The following CCDC158 variants were observed in gnomAD, a reference collection of about 807,000 sequenced individuals.
CCDC158 encodes the protein coiled-coil domain-containing protein 158.
CCDC158 carries 116 observed loss-of-function variants against 138.6 expected under a neutral mutation model. That is an observed-to-expected ratio of 0.84 (90% CI 0.72 to 0.98). The LOEUF (loss-of-function observed/expected upper bound fraction) is 0.98, where lower values mean the gene tolerates loss of function less well. Among genes scored for constraint, CCDC158 ranks in the 50% least tolerant of loss-of-function variants. CCDC158 has a pLI of 0.00. For missense variants in CCDC158, 1,265 were observed against 1,306.1 expected (o/e 0.97, Z 0.48); for synonymous variants, 436 against 442.4 (o/e 0.99, Z 0.18).
intron 18 of CCDC158, among the ~76,000 whole-genome samples, 166 bp from the exon 19 acceptor site, chr4:76,334,333 G>A (rs10022197): frequency 0.026 from 4,024 of 152,146 alleles, 176 homozygotes; most frequent in African/African-American, 0.092. Flanking sequence ...TAATAACCAG[G>A]AAATAATCAA....
In CCDC158 at chr4:76,393,438, G is replaced by A. The variant is rs187631333; in HGVS notation, c.288+2831C>T. The stretch of plus-strand genomic sequence containing the variant: ...GAAAACTGGATATCCATATGCAGAG[G>A]AATGAAACTAGATCCCTATCTCTCA... On this transcript the variant is annotated intron_variant, in intron 4 of 24. Coordinates refer to ENST00000682701, the MANE Select transcript of CCDC158 (RefSeq NM_001394954.1). 2.6e-4 allele frequency among the ~76,000 whole-genome samples: 39 copies of A among 152,086 alleles called. No individual in the cohort carries two copies. The East Asian group carries it at 7.5e-3, about 29-fold the overall frequency.
chr4:76,335,139 C>A (rs2110112492), intron 18 of CCDC158, among the ~76,000 whole-genome samples: 1 of 152,208 alleles, frequency 6.6e-6, no homozygotes, highest in Non-Finnish European at 1.5e-5. Context: ...AATTAGACTC[C>A]ACTCAATTAT....
intron 8 of CCDC158, among the ~76,000 whole-genome samples, chr4:76,381,917 G>A (rs559853040): frequency 1.3e-4 from 19 of 145,062 alleles, no homozygotes; most frequent in Non-Finnish European, 2.3e-4. Flanking sequence ...TCCTGACCTC[G>A]TGATCTGCCC....
intron 8 of CCDC158, among the ~76,000 whole-genome samples, chr4:76,381,249 T>C (rs973815328): frequency 6.6e-6 from 1 of 152,192 alleles, no homozygotes; most frequent in Admixed American, 6.5e-5. Context: ...CAGCTTGCAC[T>C]GTGCACGTGG....
At chr4:76,358,200 C>T (rs1199170174) in intron 13 of CCDC158, among the ~76,000 whole-genome samples, 2 of 152,234 alleles carry the variant, frequency 1.3e-5, no homozygotes, top group African/African-American at 2.4e-5. Flanking sequence ...CTCCCAGTTG[C>T]TTACATTGCT....
rs979425937 is a variant in CCDC158 at position 76,396,552 on chromosome 4, C to T, written c.71-66G>A. 5.0e-5 allele frequency: 62 copies of T among 1,249,842 alleles called. No homozygotes were observed. The African/African-American group carries it at 8.4e-4, about 17-fold the overall frequency. The allele number at this position is 1,249,842 out of a possible 1,614,324, so 77.4% of individuals were successfully genotyped here. A position where few individuals can be genotyped will look rare whatever the true frequency, so the allele number is the denominator to read the frequency against. ...TTGAGAAGGAGTTTCACTGTTATTGCCCAGGCTGGAGTGCAATGGCGCGAT... is the reference window on the plus strand; with the variant it reads ...TTGAGAAGGAGTTTCACTGTTATTGTCCAGGCTGGAGTGCAATGGCGCGAT... On this transcript the variant is annotated intron_variant, in intron 3 of 24. Coordinates refer to ENST00000682701, the MANE Select transcript of CCDC158 (RefSeq NM_001394954.1).
intron 10 of CCDC158, among the ~76,000 whole-genome samples, chr4:76,370,639 G>A (rs1329905964): frequency 6.6e-6 from 1 of 152,162 alleles, no homozygotes; most frequent in Non-Finnish European, 1.5e-5. Context: ...TGAACGAGAG[G>A]TGGTGATGGT....
At chr4:76,328,509 C>G (rs553639011) in intron 22 of CCDC158, among the ~76,000 whole-genome samples, 116 of 152,320 alleles carry the variant, frequency 7.6e-4, no homozygotes, top group South Asian at 3.1e-3. Context: ...GTCTTGAACT[C>G]CTAGGCTCAA....
rs966234040 is a variant in CCDC158 at position 76,367,904 on chromosome 4, T to G, written c.1348-128A>C. 4.2e-6 allele frequency: 4 copies of G among 960,650 alleles called. No individual in the cohort carries two copies. In the South Asian group the frequency reaches 6.2e-5, roughly 15 times the overall value. 59.5% of individuals were successfully genotyped at this position (960,650 alleles called of 1,614,324 possible). ...AATGTTTAGTAAGATCTTTTTTTTT[T>G]TTTTTAAGAGATGGGGGTCTCACTG... is the stretch of plus-strand genomic sequence containing the variant. On this transcript the variant is annotated intron_variant, in intron 11 of 24. Coordinates refer to ENST00000682701, the MANE Select transcript of CCDC158 (RefSeq NM_001394954.1).
chr4:76,346,472 G>A (rs149790474), intron 18 of CCDC158, among the ~76,000 whole-genome samples: 1 of 152,334 alleles, frequency 6.6e-6, no homozygotes, highest in East Asian at 1.9e-4. Context: ...AACGCTTTGG[G>A]AGGCCAAGCT....
chr4:76,382,251 C>T (rs1240408055), intron 8 of CCDC158, among the ~76,000 whole-genome samples: 3 of 152,086 alleles, frequency 2.0e-5, no homozygotes, highest in African/African-American at 7.2e-5. Context: ...TGTAAGTTTC[C>T]TGAGGCCTCC....
intron 22 of CCDC158, 76 bp from the exon 23 acceptor site, chr4:76,326,091 G>A (rs978421834): frequency 8.5e-7 from 1 of 1,179,986 alleles, no homozygotes; most frequent in Non-Finnish European, 1.2e-6. Flanking sequence ...AAAAAGTCAA[G>A]CTTTCATGAG....
chr4:76,362,165 C>T lies in CCDC158; in HGVS notation c.1981G>A (p.Glu661Lys), dbSNP rs368855014. ...AATTCACTCCTACTTGTTTTCACCT[C>T]ATTTAATAATTGATCTCTCTCTTGT... ...IKQERDQLLN[E>K]VKTSRSELNN... The change falls in exon 13 of 25, where the codon GAG becomes AAG. Residue 661 changes from glutamate to lysine, a missense_variant. Coordinates refer to ENST00000682701, the MANE Select transcript of CCDC158 (RefSeq NM_001394954.1). 3.7e-6 allele frequency: 6 copies of T among 1,614,030 alleles called. No individual in the cohort carries two copies. The highest frequency in any genetic ancestry group is 3.3e-4 in the Middle Eastern group (2 of 6,062).
rs963508 is a variant in CCDC158 at position 76,402,925 on chromosome 4, T to C, written c.70+213A>G. Among the ~76,000 whole-genome samples the C allele has an allele frequency of 0.86, 130,802 of 152,232 alleles. 56,473 individuals carry two copies. Among genetic ancestry groups the C allele is most frequent in the South Asian group, 0.97 (4,688 of 4,826 alleles). ...ATGGGGCATGTTGAGGCTGAAGTAC[T>C]TCAATGTAGAAACATTTTTAAAACA... On this transcript the variant is annotated intron_variant, in intron 3 of 24. Transcript: ENST00000682701.
At position 76,316,923 on chromosome 4, in the gene CCDC158, A is replaced by G. The variant is rs1184777434; in HGVS notation, c.3278-3677T>C. Among the ~76,000 whole-genome samples, 4 of 148,186 alleles carry G rather than the reference A, an allele frequency of 2.7e-5. No individual in the cohort carries two copies. The South Asian group carries it at 8.4e-4, about 31-fold the overall frequency. On this transcript the variant is annotated intron_variant, in intron 24 of 24. Coordinates refer to ENST00000682701, the MANE Select transcript of CCDC158 (RefSeq NM_001394954.1). ...GACAAAAAAAAAAAAAAAAAAAAAA[A>G]TGCTGAGAGAATTCACCAGTACCAA...
chr4:76,369,280 T>C (rs550777838), intron 11 of CCDC158, 146 bp downstream of exon 11: 16 of 542,508 alleles, frequency 2.9e-5, no homozygotes, highest in Admixed American at 1.2e-4. Flanking sequence ...CAGGTTTTCA[T>C]AAATTGCTCA....
At position 76,371,359 on chromosome 4, in the gene CCDC158, A is replaced by G. The variant is rs1341907365; in HGVS notation, c.1149+58T>C. On this transcript the variant is annotated intron_variant, in intron 10 of 24. Coordinates refer to ENST00000682701, the MANE Select transcript of CCDC158 (RefSeq NM_001394954.1). ...ATAAAGGAAACGAGTTTTGTGATAT[A>G]TTTCAGTGAAAAACTTCCCAGAATT... 3.2e-6 allele frequency: 5 copies of G among 1,540,586 alleles called. No homozygotes were observed. In the East Asian group the frequency reaches 1.1e-4, roughly 35 times the overall value.
intron 1 of CCDC158, among the ~76,000 whole-genome samples, chr4:76,414,925 T>C (rs1053167151): frequency 6.6e-6 from 1 of 152,176 alleles, no homozygotes. Context: ...GCTGAAAAGA[T>C]ACCAGAAAAT....
chr4:76,402,232 A>T (rs555092428), intron 3 of CCDC158: 1 of 152,262 alleles, frequency 6.6e-6, no homozygotes, highest in Non-Finnish European at 1.5e-5. Context: ...TTGCCCTTGA[A>T]TGCATTCTCT....
Sources: allele counts gnomAD v4.1 joint callset (sites outside exome capture counted in the v4.1 genomes callset), GRCh38; gene constraint gnomAD v4.1.1; transcripts MANE v1.5; gene names NCBI Gene and HGNC (gene_info 2026-07-23, HGNC 2026-07-21).